Variants in RORA observed in about 807,000 individuals in gnomAD.
The protein encoded by RORA is nuclear receptor ROR-alpha.
In RORA, 7 loss-of-function variants were observed where a neutral mutation model predicts 69.5. The observed-to-expected ratio is 0.10, with a 90% CI of 0.06 to 0.19. The LOEUF (loss-of-function observed/expected upper bound fraction) is 0.19. Among genes scored for constraint, RORA ranks in the 10% least tolerant of loss-of-function variants. RORA has a pLI of 1.00. For synonymous variants in RORA, 261 were observed against 240.8 expected, an observed-to-expected ratio of 1.08 and a Z score of -0.78; for missense variants, 457 against 663.0, an observed-to-expected ratio of 0.69 and a Z score of 3.41.
intron 1 of RORA, among the ~76,000 whole-genome samples, chr15:61,088,766 A>C (rs1269182009): frequency 1.3e-5 from 2 of 152,194 alleles, no homozygotes; most frequent in East Asian, 3.8e-4. Context: ...TACAGCAAGA[A>C]AAGGTCTTCC....
chr15:60,995,117 G>A (rs1412794723), intron 1 of RORA, among the ~76,000 whole-genome samples: 3 of 152,184 alleles, frequency 2.0e-5, no homozygotes, highest in African/African-American at 7.2e-5. Context: ...TGGCAGTGGA[G>A]ACTGGGAGGG....
chr15:60,664,530 G>A (rs2070353541), intron 2 of RORA, among the ~76,000 whole-genome samples: 1 of 152,142 alleles, frequency 6.6e-6, no homozygotes, highest in Non-Finnish European at 1.5e-5. Context: ...CCTTCATCCT[G>A]TTCTCATTTA....
In RORA at chr15:60,511,495, G is replaced by C; in HGVS notation, c.551C>G (p.Pro184Arg). 1.2e-6 allele frequency: 2 copies of C among 1,614,150 alleles called. No individual in the cohort carries two copies. The highest frequency in any genetic ancestry group is 1.7e-6 in the Non-Finnish European group (2 of 1,180,038). Residue 184 changes from proline (P) to arginine (R), a missense_variant, in exon 5 of 11, where the codon CCC (proline) becomes CGC (arginine). By Grantham distance (103) the Pro-to-Arg change is moderately radical. Coordinates refer to ENST00000335670, the MANE Select transcript of RORA (RefSeq NM_134261.3). This position sits in a 1 kb window ranked among gnomAD's most constrained non-coding sequence, Gnocchi z 6.4. ...CCCGTTGGCCGAGATGTTGTAGGTG[G>C]GCGTCAGCGGCTCAGCCTCTCCAGG... ...QQPGEAEPLT[P>R]TYNISANGLT...
intron 1 of RORA, among the ~76,000 whole-genome samples, chr15:60,993,541 G>A (rs1894444126): frequency 6.6e-6 from 1 of 151,426 alleles, no homozygotes; most frequent in South Asian, 2.1e-4. Flanking sequence ...TACTCTGGAG[G>A]CTGAGGCAGG....
chr15:61,184,961 GGCAAAGGA>G lies in RORA; in HGVS notation c.166+44084_166+44091del, dbSNP rs1177065062. 4.1e-5 allele frequency among the ~76,000 whole-genome samples: 6 copies of G among 146,962 alleles called. No homozygotes were observed. The East Asian group carries it at 1.0e-3, about 24-fold the overall frequency. ...GATTGTCCCACTGCACTCCAGCCTG[GGCAAAGGA>G]GCGAGACCCTGTCTCTCAAAAAAAA... On this transcript the variant is annotated intron_variant, in intron 1 of 10. Transcript: ENST00000335670.
chr15:61,214,951 G>A lies in RORA; in HGVS notation c.166+14102C>T, dbSNP rs367985714. Among the ~76,000 whole-genome samples, 177 of 138,332 alleles carry A rather than the reference G, an allele frequency of 1.3e-3. 2 individuals are homozygous for A. Among genetic ancestry groups the A allele is most frequent in the Admixed American group, 6.2e-3 (78 of 12,544 alleles). The allele number at this position is 138,332 out of a possible 152,430, so 90.8% of individuals were successfully genotyped here. On this transcript the variant is annotated intron_variant, in intron 1 of 10. Coordinates refer to ENST00000335670, the MANE Select transcript of RORA (RefSeq NM_134261.3). ...ACGATCTCGGCTCACTGTAAGCTCCGCCTCCTGGGTTCATGCCATTCTCCT... is the reference window on the plus strand; with the variant it reads ...ACGATCTCGGCTCACTGTAAGCTCCACCTCCTGGGTTCATGCCATTCTCCT...
At chr15:60,792,923 G>A (rs1333539922) in intron 1 of RORA, among the ~76,000 whole-genome samples, 2 of 151,700 alleles carry the variant, frequency 1.3e-5, no homozygotes, top group African/African-American at 4.8e-5. Flanking sequence ...ATCATACTTT[G>A]CCCTATAGTA....
chr15:61,074,626 T>G (rs188689503), intron 1 of RORA, among the ~76,000 whole-genome samples: 23 of 152,272 alleles, frequency 1.5e-4, no homozygotes, highest in South Asian at 4.2e-4. Context: ...GAATAATTTT[T>G]AAAAAATCAT....
At chr15:60,913,486 T>C (rs1318717382) in intron 1 of RORA, among the ~76,000 whole-genome samples, 2 of 152,216 alleles carry the variant, frequency 1.3e-5, no homozygotes, top group Non-Finnish European at 2.9e-5. Flanking sequence ...TAAGAGACTG[T>C]CAGTACAACT....
chr15:60,692,055 A>G (rs1163377620), intron 1 of RORA, among the ~76,000 whole-genome samples: 1 of 152,204 alleles, frequency 6.6e-6, no homozygotes, highest in East Asian at 1.9e-4. Context: ...TGATTTCAAT[A>G]TGCATAGTTC....
intron 1 of RORA, among the ~76,000 whole-genome samples, chr15:60,906,445 C>A (rs1891544824): frequency 6.6e-6 from 1 of 152,202 alleles, no homozygotes; most frequent in Non-Finnish European, 1.5e-5. Flanking sequence ...CAAACAGGGT[C>A]TAAAGGTCGT....
Position 60,556,650 on chromosome 15 carries a change from G to A in RORA, c.197-24799C>T, listed in dbSNP as rs2067368369. 2.0e-5 allele frequency among the ~76,000 whole-genome samples: 3 copies of A among 152,286 alleles called. No individual in the cohort carries two copies. In the South Asian group the frequency reaches 6.2e-4, roughly 32 times the overall value. On this transcript the variant is annotated intron_variant, in intron 2 of 10. Transcript: ENST00000335670. ...CCATAACCCAAAGGTGGCATCTTTT[G>A]TGATAAAACAGGTATAACCCTGTTT...
intron 1 of RORA, among the ~76,000 whole-genome samples, chr15:60,691,798 C>T (rs1044617711): frequency 4.6e-5 from 7 of 152,210 alleles, no homozygotes; most frequent in Admixed American, 1.3e-4. Flanking sequence ...ATGCATGCCT[C>T]ATCTGTTAGA....
intron 2 of RORA, among the ~76,000 whole-genome samples, chr15:60,587,497 T>G (rs2068369112): frequency 6.6e-6 from 1 of 152,166 alleles, no homozygotes; most frequent in South Asian, 2.1e-4. Context: ...CGTTATCAGA[T>G]GGAAAAGCTA....
In RORA at chr15:60,511,251, G is replaced by T; in HGVS notation, c.795C>A (p.Ser265=). ...CTAATTCTGCCATGGACACAGTTGG[G>T]GAAGTCTCGCCGTTGGTGAACGAAC... ...PYCSFTNGET[S]PTVSMAELEH... Residue 265 remains serine, a synonymous_variant, in exon 5 of 11, where the codon TCC becomes TCA. Transcript: ENST00000335670. This position sits in a 1 kb window ranked among gnomAD's most constrained non-coding sequence, Gnocchi z 6.4. The T allele has an allele frequency of 3.1e-6, 5 of 1,613,758 alleles. No individual in the cohort carries two copies. Among genetic ancestry groups the T allele is most frequent in the East Asian group, 2.2e-5 (1 of 44,884 alleles).
chr15:60,858,726 A>AC (rs1399171435), intron 1 of RORA, among the ~76,000 whole-genome samples: 1 of 73,204 alleles, frequency 1.4e-5, no homozygotes, highest in Non-Finnish European at 3.2e-5. Flanking sequence ...CACACACACA[A>AC]AAGCACAAAG....
At chr15:60,630,027 GA>G (rs1567133519) in intron 2 of RORA, among the ~76,000 whole-genome samples, 1 of 152,198 alleles carries the variant, frequency 6.6e-6, no homozygotes, top group Non-Finnish European at 1.5e-5. Flanking sequence ...TAAAATGGAA[GA>G]CCTATGATTT....
intron 1 of RORA, among the ~76,000 whole-genome samples, chr15:60,940,785 G>C (rs1180362633): frequency 6.6e-6 from 1 of 152,130 alleles, no homozygotes; most frequent in African/African-American, 2.4e-5. Flanking sequence ...AAATTAGCCG[G>C]GCATGGTGGC....
chr15:60,497,191 A>T lies in RORA; in HGVS notation c.*264T>A. 1 of 349,638 alleles carries T rather than the reference A, an allele frequency of 2.9e-6. No individual in the cohort carries two copies. The highest frequency in any genetic ancestry group is 5.3e-6 in the Non-Finnish European group (1 of 190,404). The allele number at this position is 349,638 out of a possible 1,614,324, so 21.7% of individuals were successfully genotyped here. A position where few individuals can be genotyped will look rare whatever the true frequency, so the allele number is the denominator to read the frequency against. ...CTTTAGTACCCTCCTCCTGTTGTAA[A>T]CAGAGGTCAATGATCAAGAAGTCAA... On this transcript the variant is annotated 3_prime_UTR_variant, in exon 11 of 11. Coordinates refer to ENST00000335670, the MANE Select transcript of RORA (RefSeq NM_134261.3).
Sources: gnomAD v4.1 joint callset for allele counts (sites outside exome capture counted in the v4.1 genomes callset) on GRCh38, gnomAD v4.1.1 for gene constraint, Gnocchi (gnomAD v3.1) non-coding constraint, MANE v1.5 for transcripts, NCBI Gene and HGNC (gene_info 2026-07-23, HGNC 2026-07-21) for gene names.